The following AKAP6 variants were observed in gnomAD, a reference collection of about 807,000 sequenced individuals.
AKAP6 encodes the protein A-kinase anchoring protein 6.
In AKAP6, 58 loss-of-function variants were observed where a neutral mutation model predicts 188.5. The ratio of observed to expected loss-of-function variants is 0.31; its 90% CI spans 0.25 to 0.38. The LOEUF (loss-of-function observed/expected upper bound fraction) is 0.38. Among genes scored for constraint, AKAP6 ranks in the 10% least tolerant of loss-of-function variants. The pLI is 1.00. For missense variants in AKAP6, 2,710 were observed against 2,740.0 expected (o/e 0.99, Z 0.24); for synonymous variants, 989 against 998.6 (o/e 0.99, Z 0.18).
chr14:32,581,735 T>C (rs1235693516), intron 5 of AKAP6, among the ~76,000 whole-genome samples: 1 of 152,224 alleles, frequency 6.6e-6, no homozygotes, highest in East Asian at 1.9e-4. Flanking sequence ...ACTGGTCCCT[T>C]TACCATTATG....
chr14:32,527,415 A>G (rs1400833674), intron 2 of AKAP6, among the ~76,000 whole-genome samples: 2 of 152,092 alleles, frequency 1.3e-5, no homozygotes, highest in East Asian at 1.9e-4. Context: ...TAAAGCCGCT[A>G]TAAACATCTG....
chr14:32,508,754 C>A (rs772003742), intron 2 of AKAP6, among the ~76,000 whole-genome samples: 14 of 151,742 alleles, frequency 9.2e-5, no homozygotes, highest in Non-Finnish European at 1.0e-4. Context: ...AAATTATATA[C>A]CATTTTATAT....
At position 32,822,322 on chromosome 14, in the gene AKAP6, T is replaced by C; in HGVS notation, c.4509T>C (p.Tyr1503=). 6.2e-7 allele frequency: 1 copy of C among 1,613,950 alleles called. No homozygotes were observed. Among genetic ancestry groups the C allele is most frequent in the Non-Finnish European group, 8.5e-7 (1 of 1,179,934 alleles). ...AGGATCCCCTGCTTCGTGGTTTTTA[T>C]TTTGATAAAAAATCATGCAAATCTA... ...HVEDPLLRGF[Y]FDKKSCKSKH... Residue 1503 remains tyrosine (Y), a synonymous_variant, in exon 13 of 14, where the codon TAT becomes TAC. Transcript: ENST00000280979.
chr14:32,379,376 C>T (rs1040564151), intron 1 of AKAP6, among the ~76,000 whole-genome samples: 1 of 152,124 alleles, frequency 6.6e-6, no homozygotes, highest in Admixed American at 6.5e-5. Flanking sequence ...AATACAGGTT[C>T]TCTGTTTCTA....
chr14:32,823,309 T>A lies in AKAP6; in HGVS notation c.5496T>A (p.Ser1832Arg). The A allele has an allele frequency of 6.2e-7, 1 of 1,613,840 alleles. No individual in the cohort carries two copies. The highest frequency in any genetic ancestry group is 2.2e-5 in the East Asian group (1 of 44,872). ...SDEMKGSKDISSSEMTNPSDT... is the reference protein window; with the variant it reads ...SDEMKGSKDIRSSEMTNPSDT... ...AGATGAAGGGCAGTAAAGATATAAG[T>A]AGCAGTGAGATGACCAATCCCTCTG... Residue 1832 changes from serine to arginine, a missense_variant, in exon 13 of 14, where the codon AGT (serine) becomes AGA (arginine). Coordinates refer to ENST00000280979, the MANE Select transcript of AKAP6 (RefSeq NM_004274.5).
intron 12 of AKAP6, among the ~76,000 whole-genome samples, chr14:32,791,537 T>C (rs2033610647): frequency 6.6e-6 from 1 of 152,166 alleles, no homozygotes; most frequent in African/African-American, 2.4e-5. Context: ...GTCAGATGGA[T>C]AGATTGCAAA....
chr14:32,792,212 A>C (rs952432533), intron 12 of AKAP6, among the ~76,000 whole-genome samples: 4 of 152,226 alleles, frequency 2.6e-5, no homozygotes, highest in Non-Finnish European at 5.9e-5. Context: ...TACTTTGGAC[A>C]GTACGGCCAT....
rs572854404 is a variant in AKAP6, at chr14:32,679,452, G to A, written c.2879+993G>A. On this transcript the variant is annotated intron_variant, in intron 8 of 13. Transcript: ENST00000280979. ...GTTAATAACATTATATAAACCTATG[G>A]GATGTAACTCTAGCCAAAATATTTC... 1.2e-4 allele frequency among the ~76,000 whole-genome samples: 18 copies of A among 152,192 alleles called. No individual in the cohort carries two copies. In the South Asian group the frequency reaches 3.7e-3, roughly 32 times the overall value.
At chr14:32,539,066 T>A (rs1296335164) in intron 3 of AKAP6, among the ~76,000 whole-genome samples, 1 of 152,154 alleles carries the variant, frequency 6.6e-6, no homozygotes, top group Non-Finnish European at 1.5e-5. Context: ...GAATAACACA[T>A]GTTAGAAATG....
chr14:32,400,562 G>GGAAAAAAAAAAAAAA (rs1566483544), intron 1 of AKAP6, among the ~76,000 whole-genome samples: 1 of 1,832 alleles, frequency 5.5e-4, no homozygotes, highest in Non-Finnish European at 4.3e-3. Flanking sequence ...TCCACTTTTA[G>GGAAAAAAAAAAAAAA]CAAAAAAAAA....
intron 5 of AKAP6, among the ~76,000 whole-genome samples, chr14:32,579,684 T>A (rs181804153): frequency 6.6e-6 from 1 of 152,236 alleles, no homozygotes; most frequent in Non-Finnish European, 1.5e-5. Flanking sequence ...GTTTTCCTGT[T>A]TCCATATGAG....
chr14:32,792,973 A>T (rs915317087), intron 12 of AKAP6, among the ~76,000 whole-genome samples: 6 of 152,226 alleles, frequency 3.9e-5, no homozygotes, highest in African/African-American at 1.2e-4. Flanking sequence ...AGGCAAGCAA[A>T]TGCTGAGGGA....
rs182110322 is a variant in AKAP6, at chr14:32,423,946, A to G, written c.-34-9514A>G. On this transcript the variant is annotated intron_variant, in intron 1 of 13. Transcript: ENST00000280979. Reference sequence around the variant, plus strand: ...TTTTATATTTAATGGAGTAGGTAGGACAGAGTGCAGAACTCTTTTAATCAT... The same window carrying G: ...TTTTATATTTAATGGAGTAGGTAGGGCAGAGTGCAGAACTCTTTTAATCAT... Among the ~76,000 whole-genome samples the G allele has an allele frequency of 1.8e-3, 267 of 152,258 alleles. 1 individual carries two copies. The highest frequency in any genetic ancestry group is 6.2e-3 in the African/African-American group (257 of 41,548).
chr14:32,334,727 A>G (rs1239384058), intron 1 of AKAP6, among the ~76,000 whole-genome samples: 1 of 152,176 alleles, frequency 6.6e-6, no homozygotes, highest in African/African-American at 2.4e-5. Flanking sequence ...TAAGGCATAC[A>G]GTTTCTTCTC....
At chr14:32,460,640 C>T (rs1891291059) in intron 2 of AKAP6, among the ~76,000 whole-genome samples, 1 of 152,192 alleles carries the variant, frequency 6.6e-6, no homozygotes, top group Non-Finnish European at 1.5e-5. Flanking sequence ...CAAAACTGGG[C>T]AGCTGTTTGG....
At chr14:32,398,053 G>A (rs564786902) in intron 1 of AKAP6, among the ~76,000 whole-genome samples, 9 of 152,196 alleles carry the variant, frequency 5.9e-5, no homozygotes, top group Non-Finnish European at 1.2e-4. Flanking sequence ...ATTACAATCA[G>A]GGGAACCTCC....
chr14:32,612,658 G>T (rs935470383), intron 7 of AKAP6, among the ~76,000 whole-genome samples: 47 of 152,110 alleles, frequency 3.1e-4, no homozygotes, highest in African/African-American at 1.0e-3. Flanking sequence ...TTTTATTATA[G>T]TGTGAATTTA....
chr14:32,590,054 C>A (rs1295225659), intron 5 of AKAP6, among the ~76,000 whole-genome samples: 1 of 152,138 alleles, frequency 6.6e-6, no homozygotes, highest in Admixed American at 6.5e-5. Flanking sequence ...TAGATCTTTA[C>A]ATTAGCCAGA....
At chr14:32,666,063 C>A (rs953669867) in intron 7 of AKAP6, among the ~76,000 whole-genome samples, 1 of 151,958 alleles carries the variant, frequency 6.6e-6, no homozygotes. Context: ...TAAGTAAACA[C>A]AATTATTTGC....
Sources: gnomAD v4.1 joint callset for allele counts (sites outside exome capture counted in the v4.1 genomes callset) on GRCh38, gnomAD v4.1.1 for gene constraint, MANE v1.5 for transcripts, NCBI Gene and HGNC (gene_info 2026-07-23, HGNC 2026-07-21) for gene names.